The following UNC79 variants were observed in gnomAD, a reference collection of about 807,000 sequenced individuals.
The protein encoded by UNC79 is protein unc-79 homolog.
In UNC79, 37 loss-of-function variants were observed where a neutral mutation model predicts 283.1. The observed-to-expected ratio is 0.13, with a 90% CI of 0.10 to 0.17. The LOEUF (loss-of-function observed/expected upper bound fraction) is 0.17. Ranked by LOEUF, UNC79 falls within the 10% of genes least tolerant of loss-of-function variation. The probability of loss-of-function intolerance (pLI) is 1.00; values close to 1 mark genes in which losing one functional copy is unlikely to be tolerated. For synonymous variants in UNC79, 1,107 were observed against 1,200.2 expected, an observed-to-expected ratio of 0.92 and a Z score of 1.61; for missense variants, 2,272 against 3,211.1, an observed-to-expected ratio of 0.71 and a Z score of 7.07.
intron 11 of UNC79, among the ~76,000 whole-genome samples, chr14:93,533,554 G>A (rs1424499742): frequency 6.6e-6 from 1 of 152,144 alleles, no homozygotes; most frequent in African/African-American, 2.4e-5. Context: ...GGTGAGATGG[G>A]TGGGGTGTCT....
chr14:93,456,574 T>C (rs2056802257), intron 1 of UNC79, among the ~76,000 whole-genome samples: 1 of 152,168 alleles, frequency 6.6e-6, no homozygotes, highest in African/African-American at 2.4e-5. Flanking sequence ...CTAAGCTCTG[T>C]ATTTTTTCTA....
intron 31 of UNC79, among the ~76,000 whole-genome samples, chr14:93,635,139 T>C (rs182469157): frequency 1.2e-4 from 18 of 152,296 alleles, no homozygotes; most frequent in Admixed American, 2.0e-4. Flanking sequence ...ACCCCCATGC[T>C]CATAAGATGG....
chr14:93,633,244 C>T (rs2068187027), intron 31 of UNC79, among the ~76,000 whole-genome samples: 2 of 152,186 alleles, frequency 1.3e-5, no homozygotes, highest in Non-Finnish European at 2.9e-5. Flanking sequence ...TAGTCATTTC[C>T]ATGAGTTAGG....
At chr14:93,508,345 C>A (rs1379910346) in intron 7 of UNC79, among the ~76,000 whole-genome samples, 2 of 152,030 alleles carry the variant, frequency 1.3e-5, no homozygotes, top group Non-Finnish European at 2.9e-5. Flanking sequence ...ATGGTGAGAC[C>A]CTATCCCTGT....
rs1180525417 is a variant in UNC79, at chr14:93,538,789, CTTCT to C, written c.1352+572_1352+575del. 2.1e-4 allele frequency among the ~76,000 whole-genome samples: 22 copies of C among 106,516 alleles called. 1 individual carries two copies. The Admixed American group carries it at 2.9e-3, about 14-fold the overall frequency. 69.9% of individuals were successfully genotyped at this position (106,516 alleles called of 152,430 possible). A position where few individuals can be genotyped will look rare whatever the true frequency, so the allele number is the denominator to read the frequency against. On this transcript the variant is annotated intron_variant, in intron 12 of 48. Transcript: ENST00000555664. ...TCCTGCAGGCTACTGGGTTTTTCTT[CTTCT>C]ATCACATGACCAAAAAAAAAAAAAA...
At chr14:93,686,438 T>A (rs1220910675) in intron 42 of UNC79, 134 bp from the exon 46 acceptor site, 4 of 886,982 alleles carry the variant, frequency 4.5e-6, no homozygotes, top group Non-Finnish European at 7.1e-6. Context: ...CAGACCAAGC[T>A]GAGAGTAATG....
intron 26 of UNC79, among the ~76,000 whole-genome samples, chr14:93,607,338 C>G (rs2065956565): frequency 6.6e-6 from 1 of 152,156 alleles, no homozygotes; most frequent in South Asian, 2.1e-4. Context: ...AATGATAATC[C>G]TTCCTGTATA....
intron 1 of UNC79, among the ~76,000 whole-genome samples, chr14:93,465,267 C>G (rs114573563): frequency 6.6e-6 from 1 of 152,086 alleles, no homozygotes; most frequent in Non-Finnish European, 1.5e-5. Context: ...TGTATACTCT[C>G]TATATATCCT....
chr14:93,585,466 T>C (rs1269706014), intron 20 of UNC79, among the ~76,000 whole-genome samples: 2 of 152,202 alleles, frequency 1.3e-5, no homozygotes, highest in Admixed American at 6.5e-5. Context: ...ACCAAAAATA[T>C]ATTTAAAACT....
rs369445399 is a variant in UNC79 at position 93,691,782 on chromosome 14, G to A, written c.7306G>A (p.Ala2436Thr). The A allele has an allele frequency of 1.9e-6, 3 of 1,614,142 alleles. No homozygotes were observed. Among genetic ancestry groups the A allele is most frequent in the Non-Finnish European group, 2.5e-6 (3 of 1,180,030 alleles). Residue 2436 changes from alanine (A) to threonine (T), a missense_variant, in exon 46 of 49, where the codon GCG (alanine) becomes ACG (threonine). Transcript: ENST00000555664. Reference sequence around the variant, plus strand: ...GCTGCACATGTGCTCCCTCTTCCACGCGTTCATCTTTGCTCAGCTGTGGAC... The same window carrying A: ...GCTGCACATGTGCTCCCTCTTCCACACGTTCATCTTTGCTCAGCTGTGGAC...
At chr14:93,541,851 A>G (rs111636878) in intron 13 of UNC79, among the ~76,000 whole-genome samples, 37 of 152,042 alleles carry the variant, frequency 2.4e-4, no homozygotes, top group African/African-American at 8.7e-4. Flanking sequence ...TAAAAATACA[A>G]AATATTAGCT....
intron 1 of UNC79, among the ~76,000 whole-genome samples, chr14:93,439,308 T>G (rs1462359968): frequency 1.3e-5 from 1 of 75,046 alleles, no homozygotes; most frequent in Non-Finnish European, 2.9e-5. Context: ...GAAAATCTCT[T>G]GTATTTCTAA....
chr14:93,582,169 C>T (rs1210031743), intron 19 of UNC79, 34 bp from the exon 20 acceptor site: 1 of 1,613,970 alleles, frequency 6.2e-7, no homozygotes, highest in African/African-American at 1.3e-5. Context: ...CCCTCCAGGG[C>T]TGCTTACCTG....
intron 14 of UNC79, among the ~76,000 whole-genome samples, chr14:93,563,089 A>G (rs1025004640): frequency 6.6e-6 from 1 of 152,134 alleles, no homozygotes; most frequent in Non-Finnish European, 1.5e-5. Context: ...ACAGAATACA[A>G]TGGGTCTGTG....
At chr14:93,439,432 T>A (rs1431807351) in intron 1 of UNC79, among the ~76,000 whole-genome samples, 2 of 152,164 alleles carry the variant, frequency 1.3e-5, no homozygotes, top group Non-Finnish European at 2.9e-5. Flanking sequence ...ATTTTCTGCA[T>A]CTATGGAGAC....
chr14:93,537,874 G>A, intron 11 of UNC79, 115 bp from the exon 12 acceptor site: 1 of 959,500 alleles, frequency 1.0e-6, no homozygotes. Flanking sequence ...GGAAACTAGT[G>A]GCCCTTGAAT....
intron 1 of UNC79, among the ~76,000 whole-genome samples, chr14:93,357,714 T>TATATATGG (rs1424779977): frequency 3.2e-5 from 4 of 125,022 alleles, no homozygotes; most frequent in Admixed American, 8.2e-5. Flanking sequence ...TATATATATA[T>TATATATGG]ATATATGGAT....
chr14:93,391,357 G>A (rs2054879507), intron 1 of UNC79, among the ~76,000 whole-genome samples: 1 of 152,160 alleles, frequency 6.6e-6, no homozygotes, highest in African/African-American at 2.4e-5. Context: ...GCATGAAGGT[G>A]CATGGCAAAC....
At chr14:93,519,470 C>T (rs1203291938) in intron 7 of UNC79, among the ~76,000 whole-genome samples, 1 of 151,786 alleles carries the variant, frequency 6.6e-6, no homozygotes, top group Non-Finnish European at 1.5e-5. Context: ...TCCTATTTCA[C>T]AATCTTTGCC....
Sources: gnomAD v4.1 joint callset for allele counts (sites outside exome capture counted in the v4.1 genomes callset) on GRCh38, gnomAD v4.1.1 for gene constraint, MANE v1.5 for transcripts, NCBI Gene and HGNC (gene_info 2026-07-23, HGNC 2026-07-21) for gene names.